The following DCAF1 variants were observed in gnomAD, a reference collection of about 807,000 sequenced individuals.
The protein encoded by DCAF1 is DDB1 and CUL4 associated factor 1.
A neutral mutation model predicts 128.0 loss-of-function variants in DCAF1; 15 were observed. The observed-to-expected ratio is 0.12, with a 90% CI of 0.08 to 0.18. The LOEUF (loss-of-function observed/expected upper bound fraction) is 0.18. DCAF1 is among the 10% of genes least tolerant of loss of function. The pLI, the probability that DCAF1 is intolerant of heterozygous loss-of-function variation, is 1.00. For missense variants in DCAF1, 988 were observed against 1,649.5 expected (o/e 0.60, Z 6.95); for synonymous variants, 610 against 603.0 (o/e 1.01, Z -0.17).
intron 23 of DCAF1, among the ~76,000 whole-genome samples, chr3:51,407,508 C>T (rs1341244117): frequency 6.6e-6 from 1 of 152,102 alleles, no homozygotes; most frequent in African/African-American, 2.4e-5. Context: ...TCCCAGACTC[C>T]AAAATGGAGT....
At chr3:51,474,313 G>A (rs1307433437) in intron 3 of DCAF1, among the ~76,000 whole-genome samples, 4 of 152,038 alleles carry the variant, frequency 2.6e-5, no homozygotes, top group East Asian at 2.0e-4. Flanking sequence ...CCAGCTACTC[G>A]GGAGGCTGAG....
chr3:51,420,281 C>T lies in DCAF1; in HGVS notation c.2689G>A (p.Val897Ile). 6.2e-7 allele frequency: 1 copy of T among 1,614,002 alleles called. No homozygotes were observed. Among genetic ancestry groups the T allele is most frequent in the African/African-American group, 1.3e-5 (1 of 75,036 alleles). The change falls in exon 15 of 25, where the codon GTC becomes ATC. Residue 897 changes from valine (V) to isoleucine (I), a missense_variant. Transcript: ENST00000684031. The surrounding 1 kb of genome is among the most constrained non-coding windows in gnomAD (Gnocchi z 6.5). The part of the protein sequence containing the change: ...FTPVTAAASP[V>I]SLPRTPRIAN... ...ATACGAGGGGTTCGGGGTAGAGAGACAGGAGAAGCAGCAGCAGTGACTGGG... is the reference window on the plus strand; with the variant it reads ...ATACGAGGGGTTCGGGGTAGAGAGATAGGAGAAGCAGCAGCAGTGACTGGG...
chr3:51,471,017 G>T lies in DCAF1; in HGVS notation c.111-12C>A, dbSNP rs961689675. 53 of 1,581,916 alleles carry T rather than the reference G, an allele frequency of 3.4e-5. No homozygotes were observed. Among genetic ancestry groups the T allele is most frequent in the Non-Finnish European group, 4.6e-5 (53 of 1,157,626 alleles). On this transcript the variant is annotated splice_polypyrimidine_tract_variant and intron_variant, in intron 3 of 24. Coordinates refer to ENST00000684031, the MANE Select transcript of DCAF1 (RefSeq NM_001387579.1). ...TCAATTGAGACATCCTAGCACAAAG[G>T]AAACAAGGGGTCAACTCTGGACAAG...
At chr3:51,477,702 G>C (rs1167547322) in intron 3 of DCAF1, among the ~76,000 whole-genome samples, 1 of 152,080 alleles carries the variant, frequency 6.6e-6, no homozygotes, top group Non-Finnish European at 1.5e-5. Flanking sequence ...GTAAATCTGA[G>C]AATGTCTATC....
intron 23 of DCAF1, among the ~76,000 whole-genome samples, chr3:51,404,331 A>C (rs1577047743): frequency 6.6e-6 from 1 of 152,258 alleles, no homozygotes; most frequent in East Asian, 1.9e-4. Context: ...TAAAATGTAA[A>C]ATTCATTTAA....
intron 6 of DCAF1, 101 bp from the exon 7 acceptor site, chr3:51,444,004 C>T: frequency 4.3e-6 from 5 of 1,164,816 alleles, no homozygotes; most frequent in Non-Finnish European, 5.9e-6. Flanking sequence ...TTTAATATTT[C>T]AATGTTCGTA....
chr3:51,400,408 A>G (rs2106780936), intron 24 of DCAF1, among the ~76,000 whole-genome samples: 1 of 152,282 alleles, frequency 6.6e-6, no homozygotes, highest in South Asian at 2.1e-4. Flanking sequence ...ACAATGCCAG[A>G]CCCACCGGCC....
intron 3 of DCAF1, among the ~76,000 whole-genome samples, chr3:51,474,824 G>C (rs769397904): frequency 2.1e-5 from 3 of 140,552 alleles, no homozygotes; most frequent in Admixed American, 7.9e-5. Flanking sequence ...TCACTCTGTC[G>C]CCCAGGCTGG....
intron 2 of DCAF1, among the ~76,000 whole-genome samples, chr3:51,495,797 G>C (rs1553660534): frequency 6.6e-6 from 1 of 152,042 alleles, no homozygotes; most frequent in East Asian, 1.9e-4. Context: ...TTTGTTTTTT[G>C]TTTTGTGAGA....
chr3:51,446,588 G>C lies in DCAF1; in HGVS notation c.376-2685C>G, dbSNP rs555457488. Among the ~76,000 whole-genome samples, 8 of 152,010 alleles carry C rather than the reference G, an allele frequency of 5.3e-5. No homozygotes were observed. The East Asian group carries it at 1.5e-3, about 29-fold the overall frequency. ...CAAGGCTGCAGTGAGCTAGGACTGA[G>C]CCACTGCACTCCAGCCTGGGTGACA... is the stretch of plus-strand genomic sequence containing the variant. On this transcript the variant is annotated intron_variant, in intron 6 of 24. Coordinates refer to ENST00000684031, the MANE Select transcript of DCAF1 (RefSeq NM_001387579.1).
At chr3:51,409,179 A>T (rs114253718) in intron 23 of DCAF1, among the ~76,000 whole-genome samples, 2,285 of 152,308 alleles carry the variant, frequency 0.015, 34 homozygotes, top group Non-Finnish European at 0.024. Context: ...AAGAAGAATT[A>T]GTCAGTCTTT....
At chr3:51,497,395 G>A (rs987376547) in intron 1 of DCAF1, among the ~76,000 whole-genome samples, 131 of 151,316 alleles carry the variant, frequency 8.7e-4, no homozygotes, top group African/African-American at 3.0e-3. Flanking sequence ...ATGACCAGCC[G>A]GACCAACATG....
intron 9 of DCAF1, among the ~76,000 whole-genome samples, chr3:51,440,682 G>A (rs555693337): frequency 6.6e-6 from 1 of 152,280 alleles, no homozygotes; most frequent in Admixed American, 6.5e-5. Flanking sequence ...AAGGCGGGCA[G>A]ATCACTTGAG....
intron 23 of DCAF1, among the ~76,000 whole-genome samples, chr3:51,403,825 C>A (rs1183489640): frequency 1.3e-5 from 2 of 152,222 alleles, no homozygotes; most frequent in African/African-American, 2.4e-5. Context: ...TGCTCATTAT[C>A]TCCTCAGCCC....
At chr3:51,498,958 T>A (rs1284979053) in intron 1 of DCAF1, among the ~76,000 whole-genome samples, 6 of 152,044 alleles carry the variant, frequency 3.9e-5, no homozygotes, top group African/African-American at 1.4e-4. Flanking sequence ...TATAAAAAAT[T>A]AAGACATGTA....
chr3:51,403,524 C>G, intron 23 of DCAF1, 129 bp from the exon 24 acceptor site: 2 of 1,441,612 alleles, frequency 1.4e-6, no homozygotes, highest in Non-Finnish European at 9.2e-7. Flanking sequence ...TAGACGAGCA[C>G]AGACTTCATG....
chr3:51,445,986 GTTC>G (rs1701808840), intron 6 of DCAF1, among the ~76,000 whole-genome samples: 1 of 135,988 alleles, frequency 7.4e-6, no homozygotes, highest in South Asian at 2.3e-4. Flanking sequence ...CTAAACCTAA[GTTC>G]TTTTTTTTTT....
intron 13 of DCAF1, among the ~76,000 whole-genome samples, chr3:51,426,587 G>C (rs1553634113): frequency 6.6e-6 from 1 of 152,064 alleles, no homozygotes; most frequent in South Asian, 2.1e-4. Context: ...AAAAACAAAA[G>C]CCTTTTAGAG....
intron 7 of DCAF1, among the ~76,000 whole-genome samples, chr3:51,442,894 G>A (rs144671831): frequency 1.3e-5 from 2 of 152,238 alleles, no homozygotes; most frequent in African/African-American, 4.8e-5. Context: ...GACACACTGA[G>A]GGGAACAATA....
Sources: allele counts gnomAD v4.1 joint callset (sites outside exome capture counted in the v4.1 genomes callset), GRCh38; gene constraint gnomAD v4.1.1; non-coding constraint Gnocchi (gnomAD v3.1); transcripts MANE v1.5; gene names NCBI Gene and HGNC (gene_info 2026-07-23, HGNC 2026-07-21).